Variants in TNIK observed in about 807,000 individuals in gnomAD.
TNIK encodes the protein TRAF2 and NCK-interacting protein kinase.
In TNIK, 49 loss-of-function variants were observed where a neutral mutation model predicts 191.3. The observed-to-expected ratio is 0.26, with a 90% confidence interval of 0.20 to 0.32. The LOEUF (loss-of-function observed/expected upper bound fraction) is 0.32. Ranked by LOEUF, TNIK falls within the 10% of genes least tolerant of loss-of-function variation. The pLI is 1.00. For synonymous variants in TNIK, 594 were observed against 600.9 expected (o/e 0.99, Z 0.17); for missense variants, 1,155 against 1,702.3 (o/e 0.68, Z 5.66).
At chr3:171,200,250 G>A (rs977277348) in intron 4 of TNIK, among the ~76,000 whole-genome samples, 1 of 139,378 alleles carries the variant, frequency 7.2e-6, no homozygotes, top group Non-Finnish European at 1.6e-5. Context: ...CATACCACTT[G>A]AGAAGAAAGA....
chr3:171,425,752 C>T (rs1005027260), intron 1 of TNIK, among the ~76,000 whole-genome samples: 8 of 150,842 alleles, frequency 5.3e-5, no homozygotes, highest in Non-Finnish European at 1.0e-4. Context: ...CCCTTGAACC[C>T]GGGAAGTAGA....
At chr3:171,167,424 A>G (rs1033961359) in intron 9 of TNIK, among the ~76,000 whole-genome samples, 154 bp from the exon 10 acceptor site, 1 of 152,354 alleles carries the variant, frequency 6.6e-6, no homozygotes, top group African/African-American at 2.4e-5. Context: ...GTAGCACTAT[A>G]TTAGGCATAA....
At chr3:171,351,011 C>T (rs1713084519) in intron 2 of TNIK, among the ~76,000 whole-genome samples, 1 of 152,092 alleles carries the variant, frequency 6.6e-6, no homozygotes, top group African/African-American at 2.4e-5. Context: ...GTGCCTCAGC[C>T]TCCCAAGTAG....
chr3:171,287,355 T>C (rs1309639501), intron 2 of TNIK, among the ~76,000 whole-genome samples: 1 of 152,232 alleles, frequency 6.6e-6, no homozygotes, highest in African/African-American at 2.4e-5. Flanking sequence ...CTCAGATGTA[T>C]CTAATCAACT....
chr3:171,257,963 T>C (rs1050835390), intron 2 of TNIK, among the ~76,000 whole-genome samples: 1 of 152,240 alleles, frequency 6.6e-6, no homozygotes, highest in African/African-American at 2.4e-5. Context: ...GAGCCTTTTA[T>C]GGTTCCTGCA....
chr3:171,275,769 T>C (rs567531165), intron 2 of TNIK, among the ~76,000 whole-genome samples: 195 of 151,938 alleles, frequency 1.3e-3, no homozygotes, highest in African/African-American at 3.7e-3. Flanking sequence ...TGGTGGTGGG[T>C]GCCTGTAGTC....
chr3:171,421,617 A>G (rs986128710), intron 1 of TNIK, among the ~76,000 whole-genome samples: 1 of 152,124 alleles, frequency 6.6e-6, no homozygotes, highest in African/African-American at 2.4e-5. Context: ...TACTCCAACC[A>G]TAAGATAACA....
At chr3:171,127,734 T>G (rs1468648599) in intron 16 of TNIK, among the ~76,000 whole-genome samples, 1 of 152,238 alleles carries the variant, frequency 6.6e-6, no homozygotes, top group Non-Finnish European at 1.5e-5. Context: ...TATGCCAAGC[T>G]GCCTGGTGCT....
At chr3:171,082,105 G>A (rs934384969) in intron 27 of TNIK, 146 bp downstream of exon 27, 27 of 1,084,820 alleles carry the variant, frequency 2.5e-5, no homozygotes, top group Middle Eastern at 3.1e-4. Context: ...GTTACAAAAT[G>A]TGGGCAATCT....
chr3:171,201,114 T>C (rs960052170), intron 4 of TNIK, among the ~76,000 whole-genome samples: 4 of 152,116 alleles, frequency 2.6e-5, no homozygotes, highest in Admixed American at 6.6e-5. Flanking sequence ...AAGAAAATAA[T>C]AGGGGCTGGG....
chr3:171,210,863 A>C (rs987801357), intron 4 of TNIK, among the ~76,000 whole-genome samples: 14 of 152,122 alleles, frequency 9.2e-5, no homozygotes, highest in Admixed American at 6.5e-5. Context: ...AAAAAAAAAA[A>C]AAAAACAGAG....
chr3:171,153,719 A>T (rs1430120456), intron 12 of TNIK, among the ~76,000 whole-genome samples: 2 of 152,356 alleles, frequency 1.3e-5, no homozygotes, highest in East Asian at 3.9e-4. Context: ...ATAAAATTCA[A>T]AAGTAATCAA....
rs1421929924 is a variant in TNIK at position 171,440,411 on chromosome 3, G to A, written c.57+19596C>T. ...AAAACACCTGGTATCTGTGATTCCAGGAAGATGACATGCTAAAAGGAGCTC... is the reference window on the plus strand; with the variant it reads ...AAAACACCTGGTATCTGTGATTCCAAGAAGATGACATGCTAAAAGGAGCTC... On this transcript the variant is annotated intron_variant, in intron 1 of 32. Transcript: ENST00000436636. Among the ~76,000 whole-genome samples, 5 of 152,100 alleles carry A rather than the reference G, an allele frequency of 3.3e-5. No homozygotes were observed. In the East Asian group the frequency reaches 9.6e-4, roughly 29 times the overall value.
chr3:171,373,713 C>T (rs1050372622), intron 1 of TNIK, among the ~76,000 whole-genome samples: 1 of 152,166 alleles, frequency 6.6e-6, no homozygotes, highest in African/African-American at 2.4e-5. Context: ...TGTACTATAA[C>T]CAACACATGT....
chr3:171,251,786 A>G (rs1051297193), intron 2 of TNIK, among the ~76,000 whole-genome samples: 1 of 152,216 alleles, frequency 6.6e-6, no homozygotes, highest in African/African-American at 2.4e-5. Flanking sequence ...ATCCCTTTGA[A>G]TATAGAAAAA....
intron 1 of TNIK, among the ~76,000 whole-genome samples, chr3:171,423,017 C>A (rs1362815958): frequency 6.6e-6 from 1 of 152,094 alleles, no homozygotes; most frequent in Non-Finnish European, 1.5e-5. Flanking sequence ...GTATTTTAGA[C>A]AATGTGCAAA....
intron 2 of TNIK, among the ~76,000 whole-genome samples, chr3:171,307,737 A>G (rs987645809): frequency 4.6e-5 from 7 of 152,120 alleles, no homozygotes; most frequent in Admixed American, 4.6e-4. Context: ...ATGGTCTGGG[A>G]TGGTTCTCAA....
rs1390495054 is a variant in TNIK at position 171,272,340 on chromosome 3, GA to G, written c.124-44120del. Among the ~76,000 whole-genome samples, 6 of 152,344 alleles carry G rather than the reference GA, an allele frequency of 3.9e-5. No homozygotes were observed. The South Asian group carries it at 8.3e-4, about 21-fold the overall frequency. ...AATCTCTGGAGAATTCCAAGATCCA[GA>G]AGCCAGGCCTGAGAAAGAAATGTTC... On this transcript the variant is annotated intron_variant, in intron 2 of 32. Transcript: ENST00000436636.
chr3:171,219,011 ATAT>A (rs1191157356), intron 3 of TNIK, among the ~76,000 whole-genome samples: 1 of 126,666 alleles, frequency 7.9e-6, no homozygotes, highest in African/African-American at 3.0e-5. Flanking sequence ...AATATATAAA[ATAT>A]TACTATATTA....
Sources: allele counts gnomAD v4.1 joint callset (sites outside exome capture counted in the v4.1 genomes callset), GRCh38; gene constraint gnomAD v4.1.1; transcripts MANE v1.5; gene names NCBI Gene and HGNC (gene_info 2026-07-23, HGNC 2026-07-21).